The following SEMA3E variants were observed in gnomAD, a reference collection of about 807,000 sequenced individuals.
The protein encoded by SEMA3E is semaphorin-3E.
SEMA3E carries 49 observed loss-of-function variants against 93.6 expected under a neutral mutation model. The observed-to-expected ratio is 0.52, with a 90% CI of 0.42 to 0.66. The LOEUF is 0.66. Ranked by LOEUF, SEMA3E falls within the 30% of genes least tolerant of loss-of-function variation. The pLI, the probability that SEMA3E is intolerant of heterozygous loss-of-function variation, is 0.00. For missense variants in SEMA3E, 906 were observed against 964.8 expected (o/e 0.94, Z 0.81); for synonymous variants, 363 against 330.7 (o/e 1.10, Z -1.06).
intron 1 of SEMA3E, among the ~76,000 whole-genome samples, chr7:83,562,373 C>A (rs560764882): frequency 6.6e-6 from 1 of 152,166 alleles, no homozygotes; most frequent in South Asian, 2.1e-4. Flanking sequence ...TCCCACCTTG[C>A]TCTGGCTCCT....
chr7:83,465,056 G>A (rs191960956), intron 4 of SEMA3E, among the ~76,000 whole-genome samples: 1,943 of 151,912 alleles, frequency 0.013, 44 homozygotes, highest in African/African-American at 0.044. Context: ...CACCTTAACT[G>A]ATGACATTCC....
rs181163111 is a variant in SEMA3E at position 83,369,888 on chromosome 7, G to A, written c.1876-1850C>T. On this transcript the variant is annotated intron_variant, in intron 16 of 16. Transcript: ENST00000643230. Reference sequence around the variant, plus strand: ...ATCTATTGCAACCTATGACCACCCCGTGCCTCACATGATACTGACTCTGAA... The same window carrying A: ...ATCTATTGCAACCTATGACCACCCCATGCCTCACATGATACTGACTCTGAA... Among the ~76,000 whole-genome samples the A allele has an allele frequency of 5.3e-5, 8 of 152,138 alleles. 1 individual carries two copies. Among genetic ancestry groups the A allele is most frequent in the South Asian group, 2.1e-4 (1 of 4,822 alleles).
At chr7:83,512,132 CA>C (rs1790837978) in intron 1 of SEMA3E, among the ~76,000 whole-genome samples, 2 of 152,032 alleles carry the variant, frequency 1.3e-5, no homozygotes, top group South Asian at 2.1e-4. Context: ...CAAATTTGTC[CA>C]AAAATGGTTT....
intron 5 of SEMA3E, among the ~76,000 whole-genome samples, chr7:83,415,506 T>G (rs1365988754): frequency 1.3e-5 from 2 of 152,174 alleles, no homozygotes; most frequent in Non-Finnish European, 2.9e-5. Flanking sequence ...TCGCATAGAA[T>G]TATTACAAGC....
intron 2 of SEMA3E, among the ~76,000 whole-genome samples, chr7:83,479,335 T>C (rs934422132): frequency 9.2e-5 from 14 of 152,226 alleles, no homozygotes; most frequent in African/African-American, 3.4e-4. Context: ...TGAACCTTTA[T>C]TGTCTATTCA....
At chr7:83,423,866 T>C (rs1202917570) in intron 4 of SEMA3E, among the ~76,000 whole-genome samples, 1 of 152,008 alleles carries the variant, frequency 6.6e-6, no homozygotes. Flanking sequence ...TGCATCAAAA[T>C]CTCACAGATC....
At chr7:83,530,416 T>G (rs2115722678) in intron 1 of SEMA3E, among the ~76,000 whole-genome samples, 1 of 152,324 alleles carries the variant, frequency 6.6e-6, no homozygotes, top group Non-Finnish European at 1.5e-5. Context: ...TTTATTAATG[T>G]TATCATAAAA....
intron 2 of SEMA3E, among the ~76,000 whole-genome samples, chr7:83,486,239 C>A: frequency 6.6e-6 from 1 of 152,020 alleles, no homozygotes; most frequent in East Asian, 1.9e-4. Flanking sequence ...AGTGTGGAGA[C>A]TTTTCCTGAT....
chr7:83,441,282 G>A (rs1415117240), intron 4 of SEMA3E, among the ~76,000 whole-genome samples: 1 of 152,172 alleles, frequency 6.6e-6, no homozygotes. Context: ...AAGCATAGTA[G>A]AAATGAATGA....
intron 4 of SEMA3E, among the ~76,000 whole-genome samples, chr7:83,426,403 A>G (rs1463659860): frequency 6.6e-6 from 1 of 152,172 alleles, no homozygotes; most frequent in African/African-American, 2.4e-5. Flanking sequence ...TCATAAAAAT[A>G]AAATAATTCC....
At chr7:83,484,243 C>T (rs1216421587) in intron 2 of SEMA3E, among the ~76,000 whole-genome samples, 2 of 152,092 alleles carry the variant, frequency 1.3e-5, no homozygotes, top group Non-Finnish European at 2.9e-5. Flanking sequence ...TAATTTTTTC[C>T]TCTCTAAATT....
chr7:83,475,219 C>T (rs1379723430), intron 2 of SEMA3E, among the ~76,000 whole-genome samples: 1 of 151,894 alleles, frequency 6.6e-6, no homozygotes, highest in Non-Finnish European at 1.5e-5. Flanking sequence ...AAAATGAAGG[C>T]TTCTTTAAAC....
intron 1 of SEMA3E, among the ~76,000 whole-genome samples, chr7:83,552,170 C>T (rs761738359): frequency 1.3e-5 from 2 of 152,180 alleles, no homozygotes; most frequent in Non-Finnish European, 2.9e-5. Context: ...TGCCGTCCTA[C>T]ATTGTTGCAG....
intron 1 of SEMA3E, among the ~76,000 whole-genome samples, chr7:83,505,840 C>T (rs1163369588): frequency 6.6e-6 from 1 of 151,406 alleles, no homozygotes; most frequent in Non-Finnish European, 1.5e-5. Context: ...ATGGTGAAAC[C>T]TCGTCTCTAT....
At chr7:83,375,370 G>A (rs1256149615) in intron 16 of SEMA3E, among the ~76,000 whole-genome samples, 2 of 152,062 alleles carry the variant, frequency 1.3e-5, no homozygotes, top group Non-Finnish European at 2.9e-5. Flanking sequence ...AAGAGAGGGA[G>A]GTTTCCAACA....
At chr7:83,599,385 G>T (rs1792938660) in intron 1 of SEMA3E, among the ~76,000 whole-genome samples, 1 of 152,138 alleles carries the variant, frequency 6.6e-6, no homozygotes, top group Non-Finnish European at 1.5e-5. Context: ...TAAGACACAG[G>T]AGAGAAGTAA....
At chr7:83,506,047 A>C in intron 1 of SEMA3E, among the ~76,000 whole-genome samples, 1 of 146,956 alleles carries the variant, frequency 6.8e-6, no homozygotes, top group East Asian at 2.0e-4. Context: ...ATATATATAT[A>C]TATATATTTG....
intron 1 of SEMA3E, among the ~76,000 whole-genome samples, chr7:83,540,420 T>C (rs1271995739): frequency 1.1e-4 from 17 of 152,196 alleles, no homozygotes; most frequent in Admixed American, 1.1e-3. Flanking sequence ...AGCTAAGACA[T>C]TGCTCTAAGA....
At chr7:83,554,994 A>AAATAAATAAATGAATG (rs1554337680) in intron 1 of SEMA3E, among the ~76,000 whole-genome samples, 2 of 148,146 alleles carry the variant, frequency 1.4e-5, no homozygotes, top group African/African-American at 5.0e-5. Flanking sequence ...ATAAATAAAT[A>AAATAAATAAATGAATG]AATAAAAATG....
Sources: gnomAD v4.1 joint callset for allele counts (sites outside exome capture counted in the v4.1 genomes callset) on GRCh38, gnomAD v4.1.1 for gene constraint, MANE v1.5 for transcripts, NCBI Gene and HGNC (gene_info 2026-07-23, HGNC 2026-07-21) for gene names.